BPIFA1: variants seen among roughly 807,000 people sequenced by gnomAD.
The protein encoded by BPIFA1 is BPI fold-containing family A member 1.
BPIFA1 carries 24 observed loss-of-function variants against 25.1 expected under a neutral mutation model. The observed-to-expected ratio is 0.96, with a 90% CI of 0.69 to 1.35. The LOEUF (loss-of-function observed/expected upper bound fraction) is 1.35. BPIFA1 is among the 40% of genes most tolerant of loss of function. The pLI, the probability that BPIFA1 is intolerant of heterozygous loss-of-function variation, is 0.00. For missense variants in BPIFA1, 344 were observed against 303.7 expected, an observed-to-expected ratio of 1.13 and a Z score of -0.99; for synonymous variants, 139 against 131.8, an observed-to-expected ratio of 1.05 and a Z score of -0.37.
chr20:33,240,154 C>T, intron 4 of BPIFA1, 79 bp from the exon 5 acceptor site: 2 of 1,566,690 alleles, frequency 1.3e-6, no homozygotes, highest in East Asian at 2.2e-5. Flanking sequence ...GTGAGGCTAG[C>T]ATTCTTGGCA....
chr20:33,241,849 T>G (rs1978992341), intron 6 of BPIFA1, among the ~76,000 whole-genome samples: 1 of 152,240 alleles, frequency 6.6e-6, no homozygotes, highest in Non-Finnish European at 1.5e-5. Context: ...GGGTGAACAC[T>G]GGGCTTGTTG....
intron 5 of BPIFA1, 46 bp from the exon 6 acceptor site, chr20:33,241,339 A>G (rs772212680): frequency 1.3e-6 from 2 of 1,546,286 alleles, no homozygotes; most frequent in South Asian, 1.1e-5. Flanking sequence ...AGACTTCTCC[A>G]CACCATCTCC....
chr20:33,240,366 C>T lies in BPIFA1; in HGVS notation c.562C>T (p.Gln188Ter). ...CTGCACCCATTCCCCTGGAAGCCTG[C>T]AAATTTCTCTGCTTGATGGGTGAGG... is the stretch of plus-strand genomic sequence containing the variant. ...GDCTHSPGSL[Q>*]ISLLDGLGPL... Residue 188 changes from glutamine (Q) to a stop codon, truncating the protein, a stop_gained, in exon 5 of 9, where the codon CAA becomes TAA. Coordinates refer to ENST00000354297, the MANE Select transcript of BPIFA1 (RefSeq NM_130852.3). LOFTEE classifies it high-confidence loss of function. The T allele has an allele frequency of 6.2e-7, 1 of 1,614,100 alleles. No individual in the cohort carries two copies. The highest frequency in any genetic ancestry group is 1.1e-5 in the South Asian group (1 of 91,064).
chr20:33,237,315 C>A (rs141737695), intron 1 of BPIFA1, among the ~76,000 whole-genome samples: 58 of 152,258 alleles, frequency 3.8e-4, no homozygotes, highest in Admixed American at 1.0e-3. Context: ...CTTGGTTTCT[C>A]CTACTGGAAA....
chr20:33,240,185 C>T (rs779685835), intron 4 of BPIFA1, 48 bp from the exon 5 acceptor site: 52 of 1,601,528 alleles, frequency 3.2e-5, no homozygotes, highest in Non-Finnish European at 4.2e-5. Context: ...AACCCTCTTC[C>T]TTGGAATGTG....
intron 6 of BPIFA1, among the ~76,000 whole-genome samples, chr20:33,241,713 G>C (rs979613436): frequency 6.6e-6 from 1 of 152,188 alleles, no homozygotes; most frequent in Non-Finnish European, 1.5e-5. Flanking sequence ...ATTGGCCCCT[G>C]TTCTGAGAAA....
At chr20:33,242,422 A>G in intron 7 of BPIFA1, 65 bp from the exon 8 acceptor site, 1 of 1,577,292 alleles carries the variant, frequency 6.3e-7, no homozygotes, top group African/African-American at 1.3e-5. Context: ...CTTGAGGAAT[A>G]TGGACTCCTT....
intron 6 of BPIFA1, 87 bp downstream of exon 6, chr20:33,241,556 T>A: frequency 8.8e-7 from 1 of 1,130,512 alleles, no homozygotes; most frequent in Non-Finnish European, 1.3e-6. Context: ...TGGGTCCGAG[T>A]CCCTCAATTT....
chr20:33,241,982 C>A, intron 6 of BPIFA1, 74 bp from the exon 7 acceptor site: 1 of 1,359,608 alleles, frequency 7.4e-7, no homozygotes, highest in Non-Finnish European at 1.0e-6. Context: ...GAAATTTCCC[C>A]AGAGAACCCC....
At chr20:33,241,668 C>T (rs1346274104) in intron 6 of BPIFA1, among the ~76,000 whole-genome samples, 199 bp downstream of exon 6, 1 of 152,214 alleles carries the variant, frequency 6.6e-6, no homozygotes, top group Non-Finnish European at 1.5e-5. Flanking sequence ...CTGCTCTAGG[C>T]CAGGCCCTGC....
chr20:33,241,153 T>A (rs1978960425), intron 5 of BPIFA1, among the ~76,000 whole-genome samples: 1 of 152,240 alleles, frequency 6.6e-6, no homozygotes, highest in African/African-American at 2.4e-5. Context: ...TGGCACCTGC[T>A]TTTTCTGAGA....
At chr20:33,238,029 C>A (rs1167094896) in intron 2 of BPIFA1, 26 bp from the exon 3 acceptor site, 1 of 1,602,658 alleles carries the variant, frequency 6.2e-7, no homozygotes, top group African/African-American at 1.3e-5. Context: ...GATCTGACCC[C>A]CAGAGACCCT....
rs779810432 is a variant in BPIFA1 at position 33,240,275 on chromosome 20, G to C, written c.471G>C (p.Leu157=). 1 of 1,614,168 alleles carries C rather than the reference G, an allele frequency of 6.2e-7. No homozygotes were observed. Among genetic ancestry groups the C allele is most frequent in the East Asian group, 2.2e-5 (1 of 44,886 alleles). ...GASLLRLAVK[L]DITAEILAVR... ...GTCTGTTGAGGCTGGCTGTGAAGCT[G>C]GACATCACTGCAGAAATCTTAGCTG... The change falls in exon 5 of 9, where the codon CTG becomes CTC. Residue 157 remains leucine, a synonymous_variant. Coordinates refer to ENST00000354297, the MANE Select transcript of BPIFA1 (RefSeq NM_130852.3).
Position 33,238,142 on chromosome 20 carries a change from C to T in BPIFA1, c.248C>T (p.Thr83Ile). The part of the protein sequence containing the change: ...LLDILKPGGG[T>I]SGGLLGGLLG... ...GACATCCTGAAGCCTGGAGGAGGTA[C>T]TTCTGGTGGCCTCCTTGGGGGACTG... The change falls in exon 3 of 9, where the codon ACT becomes ATT. Residue 83 changes from threonine (T) to isoleucine (I), a missense_variant. Coordinates refer to ENST00000354297, the MANE Select transcript of BPIFA1 (RefSeq NM_130852.3). 6.2e-7 allele frequency: 1 copy of T among 1,613,992 alleles called. No individual in the cohort carries two copies.
Position 33,237,888 on chromosome 20 carries a change from G to T in BPIFA1, c.160+17G>T, listed in dbSNP as rs759560502. On this transcript the variant is annotated intron_variant, in intron 2 of 8. Transcript: ENST00000354297. ...TGACAAATGGTGAGTTTTCAGGGGT[G>T]TATGTGTGCATGTGTGTGTGTGTGT... 7 of 1,555,478 alleles carry T rather than the reference G, an allele frequency of 4.5e-6. No homozygotes were observed. Among genetic ancestry groups the T allele is most frequent in the Non-Finnish European group, 5.2e-6 (6 of 1,152,688 alleles).
chr20:33,242,617 TA>T, intron 8 of BPIFA1, 56 bp downstream of exon 8: 1 of 1,318,126 alleles, frequency 7.6e-7, no homozygotes, highest in Non-Finnish European at 1.1e-6. Flanking sequence ...CTTCTCCTGG[TA>T]GAAGGCAGAC....
chr20:33,241,878 A>C (rs1393622789), intron 6 of BPIFA1, among the ~76,000 whole-genome samples, 178 bp from the exon 7 acceptor site: 1 of 152,188 alleles, frequency 6.6e-6, no homozygotes, highest in Non-Finnish European at 1.5e-5. Context: ...GGGGCCCTTC[A>C]CAACATCCCT....
At position 33,240,459 on chromosome 20, in the gene BPIFA1, A is replaced by C; in HGVS notation, c.581+74A>C. The C allele has an allele frequency of 3.3e-6, 5 of 1,528,150 alleles. 1 individual carries two copies. Among genetic ancestry groups the C allele is most frequent in the Non-Finnish European group, 4.5e-6 (5 of 1,118,984 alleles). The allele number at this position is 1,528,150 out of a possible 1,614,324, so 94.7% of individuals were successfully genotyped here. On this transcript the variant is annotated intron_variant, in intron 5 of 8. Coordinates refer to ENST00000354297, the MANE Select transcript of BPIFA1 (RefSeq NM_130852.3). ...TGCCGGATGGATGATTGGAAAGCTG[A>C]GACAATGAGAGAATAGATGAGTGAG...
rs200285879 is a variant in BPIFA1 at position 33,239,925 on chromosome 20, A to G, written c.428+15A>G. On this transcript the variant is annotated intron_variant, in intron 4 of 8. Transcript: ENST00000354297. ...CAAGTGAATACGTGAGTGGGTCCCA[A>G]GAGGGGGTGAGAGGATGGCTCACCG... 1.6e-3 allele frequency: 2,611 copies of G among 1,603,012 alleles called. 4 individuals are homozygous for G. Among genetic ancestry groups the G allele is most frequent in the Non-Finnish European group, 1.7e-3 (2,004 of 1,169,886 alleles).
Sources: gnomAD v4.1 joint callset for allele counts (sites outside exome capture counted in the v4.1 genomes callset) on GRCh38, gnomAD v4.1.1 for gene constraint, MANE v1.5 for transcripts, NCBI Gene and HGNC (gene_info 2026-07-23, HGNC 2026-07-21) for gene names.